The following PAMR1 variants were observed in gnomAD, a reference collection of about 807,000 sequenced individuals.
The protein encoded by PAMR1 is inactive serine protease PAMR1.
PAMR1 carries 88 observed loss-of-function variants against 81.8 expected under a neutral mutation model. The ratio of observed to expected loss-of-function variants is 1.08; its 90% confidence interval spans 0.91 to 1.28. The LOEUF is 1.28. Ranked by LOEUF, PAMR1 falls within the 50% of genes most tolerant of loss-of-function variation. The pLI is 0.00. For synonymous variants in PAMR1, 336 were observed against 345.3 expected (o/e 0.97, Z 0.30); for missense variants, 935 against 919.7 (o/e 1.02, Z -0.21).
intron 1 of PAMR1, among the ~76,000 whole-genome samples, chr11:35,520,946 T>C (rs547108320): frequency 7.9e-5 from 12 of 152,318 alleles, no homozygotes; most frequent in African/African-American, 2.9e-4. Context: ...AACCCAGATG[T>C]GGATAAGATT....
chr11:35,486,140 T>C (rs1850499323), intron 3 of PAMR1, among the ~76,000 whole-genome samples: 1 of 152,240 alleles, frequency 6.6e-6, no homozygotes, highest in African/African-American at 2.4e-5. Flanking sequence ...AGATGGATTG[T>C]AAACTCATTG....
intron 3 of PAMR1, among the ~76,000 whole-genome samples, chr11:35,474,954 G>A (rs1322296289): frequency 2.0e-5 from 3 of 152,182 alleles, no homozygotes; most frequent in Admixed American, 6.5e-5. Flanking sequence ...CAACAGCTTG[G>A]GAAGGGAAGT....
intron 1 of PAMR1, among the ~76,000 whole-genome samples, chr11:35,496,615 A>C (rs1237428374): frequency 6.6e-6 from 1 of 152,240 alleles, no homozygotes; most frequent in African/African-American, 2.4e-5. Context: ...ATGGAAAACA[A>C]GTGTTGGCAG....
chr11:35,488,579 C>G (rs569822127), intron 3 of PAMR1, among the ~76,000 whole-genome samples: 1 of 150,018 alleles, frequency 6.7e-6, no homozygotes, highest in East Asian at 2.0e-4. Context: ...AAACTATCAC[C>G]TTAATTCTCC....
chr11:35,506,039 G>A (rs1339950590), intron 1 of PAMR1, among the ~76,000 whole-genome samples: 2 of 147,256 alleles, frequency 1.4e-5, no homozygotes, highest in Non-Finnish European at 3.0e-5. Flanking sequence ...TTTTCATTGA[G>A]TTACCATGAG....
At chr11:35,452,407 A>G (rs1014263829) in intron 6 of PAMR1, among the ~76,000 whole-genome samples, 7 of 152,198 alleles carry the variant, frequency 4.6e-5, no homozygotes, top group African/African-American at 1.7e-4. Context: ...ATTGGCATCC[A>G]AGAAAGAGAA....
chr11:35,460,926 C>G (rs1038419052), intron 6 of PAMR1, among the ~76,000 whole-genome samples: 11 of 152,340 alleles, frequency 7.2e-5, no homozygotes, highest in South Asian at 4.1e-4. Context: ...TACAGTCCCA[C>G]CAACAGTGTA....
chr11:35,520,182 C>T (rs993918094), intron 1 of PAMR1, among the ~76,000 whole-genome samples: 1 of 152,146 alleles, frequency 6.6e-6, no homozygotes, highest in Non-Finnish European at 1.5e-5. Context: ...ATGATTGTAT[C>T]ATCAAGGGTA....
At chr11:35,488,964 CT>C (rs1348321849) in intron 3 of PAMR1, among the ~76,000 whole-genome samples, 1 of 152,146 alleles carries the variant, frequency 6.6e-6, no homozygotes, top group African/African-American at 2.4e-5. Flanking sequence ...CCTATGTGAC[CT>C]TTCTGCCTTT....
chr11:35,436,573 C>T (rs578182054), intron 8 of PAMR1, among the ~76,000 whole-genome samples: 8 of 152,190 alleles, frequency 5.3e-5, no homozygotes, highest in South Asian at 2.1e-4. Flanking sequence ...GTGTGAGCTA[C>T]GCCACCCAGC....
chr11:35,489,638 A>T (rs1262931423), intron 3 of PAMR1, among the ~76,000 whole-genome samples: 1 of 152,208 alleles, frequency 6.6e-6, no homozygotes, highest in East Asian at 1.9e-4. Flanking sequence ...CCCCAAGACC[A>T]TCACCTTGCT....
chr11:35,507,041 T>C (rs1850974890), intron 1 of PAMR1, among the ~76,000 whole-genome samples: 1 of 42,016 alleles, frequency 2.4e-5, no homozygotes, highest in African/African-American at 1.2e-4. Flanking sequence ...TAGCCTGACT[T>C]TTTTTTTTTT....
chr11:35,464,689 G>T (rs7112485), intron 6 of PAMR1, among the ~76,000 whole-genome samples: 1 of 152,108 alleles, frequency 6.6e-6, no homozygotes, highest in South Asian at 2.1e-4. Context: ...CAGAAAAAAA[G>T]GTCTAGAAGA....
intron 6 of PAMR1, among the ~76,000 whole-genome samples, chr11:35,459,653 A>G (rs1729099558): frequency 6.6e-6 from 1 of 152,190 alleles, no homozygotes; most frequent in South Asian, 2.1e-4. Flanking sequence ...TTTGAGTCCT[A>G]GGAGATCCCA....
intron 6 of PAMR1, among the ~76,000 whole-genome samples, chr11:35,448,402 G>A (rs1856340989): frequency 6.6e-6 from 1 of 151,462 alleles, no homozygotes; most frequent in African/African-American, 2.4e-5. Context: ...TTAATGTTCT[G>A]AGATTCTCTC....
At chr11:35,494,327 CTTTG>C (rs375092119) in intron 1 of PAMR1, 55 bp from the exon 2 acceptor site, 1,171 of 1,444,900 alleles carry the variant, frequency 8.1e-4, no homozygotes, top group Non-Finnish European at 9.5e-4. Flanking sequence ...TGGTAAGACT[CTTTG>C]TTTGTTTGTT....
chr11:35,439,777 C>A, intron 7 of PAMR1, 84 bp from the exon 8 acceptor site: 1 of 1,117,178 alleles, frequency 9.0e-7, no homozygotes, highest in Non-Finnish European at 1.4e-6. Flanking sequence ...ACCTGACCCC[C>A]ACTTCTGGAC....
At chr11:35,463,147 T>A (rs1183582322) in intron 6 of PAMR1, among the ~76,000 whole-genome samples, 1 of 152,182 alleles carries the variant, frequency 6.6e-6, no homozygotes, top group Admixed American at 6.5e-5. Flanking sequence ...AGTTCCTAAT[T>A]GTTTATTCTG....
chr11:35,455,485 T>G (rs1293695206), intron 6 of PAMR1, among the ~76,000 whole-genome samples: 2 of 152,194 alleles, frequency 1.3e-5, no homozygotes, highest in African/African-American at 4.8e-5. Flanking sequence ...TGCCTGTCTA[T>G]AATGAATGAA....
Sources: allele counts gnomAD v4.1 joint callset (sites outside exome capture counted in the v4.1 genomes callset), GRCh38; gene constraint gnomAD v4.1.1; transcripts MANE v1.5; gene names NCBI Gene and HGNC (gene_info 2026-07-23, HGNC 2026-07-21).